The following COL4A4 variants were observed in gnomAD, a reference collection of about 807,000 sequenced individuals.
The protein encoded by COL4A4 is collagen type IV alpha 4 chain, also known as collagen alpha-4(IV) chain.
Under a neutral mutation model 192.9 loss-of-function variants are expected in COL4A4, and 105 were observed. The observed-to-expected ratio is 0.54, with a 90% CI of 0.46 to 0.64. COL4A4 has a LOEUF of 0.64. COL4A4 is among the 30% of genes least tolerant of loss of function. The probability of loss-of-function intolerance (pLI) is 0.00; values close to 1 mark genes in which losing one functional copy is unlikely to be tolerated. For missense variants in COL4A4, 1,967 were observed against 2,169.3 expected (o/e 0.91, Z 1.85); for synonymous variants, 762 against 769.9 (o/e 0.99, Z 0.17).
intron 37 of COL4A4, among the ~76,000 whole-genome samples, chr2:227,038,796 T>G (rs1970225239): frequency 6.6e-6 from 1 of 152,200 alleles, no homozygotes. Flanking sequence ...ACTGCAAATA[T>G]TTAGTTTCTC....
At chr2:227,050,396 A>AT (rs1224026863) in intron 33 of COL4A4, among the ~76,000 whole-genome samples, 1 of 152,234 alleles carries the variant, frequency 6.6e-6, no homozygotes, top group East Asian at 1.9e-4. Flanking sequence ...TGTGTTACTA[A>AT]TTTGAATTTT....
At chr2:227,083,469 C>CG in intron 22 of COL4A4, among the ~76,000 whole-genome samples, 1 of 151,994 alleles carries the variant, frequency 6.6e-6, no homozygotes, top group East Asian at 1.9e-4. Flanking sequence ...TTTTTTGAGA[C>CG]GGGGTCTCAC....
At position 227,035,519 on chromosome 2, in the gene COL4A4, T is replaced by A. The variant is rs568572189; in HGVS notation, c.3506-2038A>T. ...TTAGATTGGTTCAAATGAGCCATAT[T>A]CTCGTGCACCAAAAAAAAAAAAAAA... On this transcript the variant is annotated intron_variant, in intron 37 of 47. Coordinates refer to ENST00000396625, the MANE Select transcript of COL4A4 (RefSeq NM_000092.5). Among the ~76,000 whole-genome samples, 25 of 148,158 alleles carry A rather than the reference T, an allele frequency of 1.7e-4. 1 individual carries two copies. The South Asian group carries it at 5.2e-3, about 31-fold the overall frequency.
chr2:227,041,708 GAAGGAAGGGAGGAGGAAGGAAGGA>G (rs1444322847), intron 37 of COL4A4, among the ~76,000 whole-genome samples: 1 of 127,668 alleles, frequency 7.8e-6, no homozygotes, highest in African/African-American at 3.5e-5. Flanking sequence ...GAGAGAGAAG[GAAGGAAGGGAGGAGGAAGGAAGGA>G]AGGAAGGAAG....
chr2:227,094,396 A>G, intron 19 of COL4A4, 107 bp from the exon 20 acceptor site: 1 of 1,155,760 alleles, frequency 8.7e-7, no homozygotes, highest in East Asian at 2.6e-5. Flanking sequence ...AATTTTTTAA[A>G]GGGAAAGAGA....
At chr2:227,141,469 T>C (rs17353465) in intron 3 of COL4A4, among the ~76,000 whole-genome samples, 3,768 of 152,322 alleles carry the variant, frequency 0.025, 97 homozygotes, top group Middle Eastern at 0.065. Flanking sequence ...TACATATATA[T>C]GAACAGGTAT....
intron 22 of COL4A4, among the ~76,000 whole-genome samples, 174 bp from the exon 23 acceptor site, chr2:227,082,361 C>A (rs996272264): frequency 5.3e-5 from 8 of 152,174 alleles, no homozygotes; most frequent in African/African-American, 1.7e-4. Context: ...TCTTGCAAAG[C>A]TGGGGCTCTT....
At chr2:227,050,922 C>G in intron 33 of COL4A4, 55 bp downstream of exon 33, 1 of 1,607,306 alleles carries the variant, frequency 6.2e-7, no homozygotes, top group Non-Finnish European at 8.5e-7. Context: ...TTACGGACAT[C>G]CTAAGAACAG....
In COL4A4 at chr2:227,050,972, C is replaced by G. The variant is rs373385037; in HGVS notation, c.3150+5G>C. ...CTCTTCCCCCACAAAGCAGTAGCCC[C>G]TTACCTGGTCACCTGGAAGTCCTGG... On this transcript the variant is annotated splice_donor_5th_base_variant and intron_variant, in intron 33 of 47. Coordinates refer to ENST00000396625, the MANE Select transcript of COL4A4 (RefSeq NM_000092.5). The G allele has an allele frequency of 4.0e-5, 64 of 1,614,202 alleles. 1 individual carries two copies. In the South Asian group the frequency reaches 6.1e-4, roughly 16 times the overall value.
chr2:227,045,894 TTAGA>T lies in COL4A4; in HGVS notation c.3289+1577_3289+1580del, dbSNP rs755311865. Among the ~76,000 whole-genome samples the T allele has an allele frequency of 2.2e-4, 21 of 96,826 alleles. 3 individuals are homozygous for T. Among genetic ancestry groups the T allele is most frequent in the African/African-American group, 6.1e-4 (17 of 27,838 alleles). 63.5% of individuals were successfully genotyped at this position (96,826 alleles called of 152,430 possible). A position where few individuals can be genotyped will look rare whatever the true frequency, so the allele number is the denominator to read the frequency against. ...TATATACATATATATGTATATATAT[TTAGA>T]TAGTATATATATGTATGTATATGTA... On this transcript the variant is annotated intron_variant, in intron 35 of 47. Coordinates refer to ENST00000396625, the MANE Select transcript of COL4A4 (RefSeq NM_000092.5).
In COL4A4 at chr2:227,023,339, A is replaced by G. The variant is rs1345646392; in HGVS notation, c.4091-1166T>C. On this transcript the variant is annotated intron_variant, in intron 43 of 47. Coordinates refer to ENST00000396625, the MANE Select transcript of COL4A4 (RefSeq NM_000092.5). ...GTGCCTGTAGTTCCAGCTACTCAGG[A>G]GGCTGAGGCAGGAGAATCCCTGGAA... 3.3e-5 allele frequency among the ~76,000 whole-genome samples: 5 copies of G among 151,366 alleles called. 1 individual carries two copies. Among genetic ancestry groups the G allele is most frequent in the South Asian group, 4.2e-4 (2 of 4,748 alleles).
At position 227,056,022 on chromosome 2, in the gene COL4A4, G is replaced by T. The variant is rs754644077; in HGVS notation, c.2639C>A (p.Ala880Glu). The T allele has an allele frequency of 1.2e-6, 2 of 1,612,736 alleles. No individual in the cohort carries two copies. Among genetic ancestry groups the T allele is most frequent in the South Asian group, 1.1e-5 (1 of 91,048 alleles). ...TCCTGGGAGGCCTGGGGGACCATGTGCCCCAGGCCGTCCTGGGAGTCCGGG... is the reference window on the plus strand; with the variant it reads ...TCCTGGGAGGCCTGGGGGACCATGTTCCCCAGGCCGTCCTGGGAGTCCGGG... ...GLPGLPGRPG[A>E]HGPPGLPGIP... is the part of the protein sequence containing the mutation. The change falls in exon 30 of 48, where the codon GCA becomes GAA. Residue 880 changes from alanine (A) to glutamate (E), a missense_variant. Transcript: ENST00000396625.
At chr2:227,095,636 C>G (rs924987642) in intron 19 of COL4A4, among the ~76,000 whole-genome samples, 2 of 152,254 alleles carry the variant, frequency 1.3e-5, no homozygotes, top group Non-Finnish European at 2.9e-5. Context: ...GGCTCACACC[C>G]GTAATCCCAA....
intron 46 of COL4A4, among the ~76,000 whole-genome samples, chr2:227,009,385 C>T (rs1410552382): frequency 1.3e-5 from 2 of 152,168 alleles, no homozygotes; most frequent in Non-Finnish European, 2.9e-5. Context: ...TGAAATCAGT[C>T]CCGCAGCTTG....
chr2:227,022,026 A>G (rs1966104414), intron 44 of COL4A4, 22 bp downstream of exon 44: 1 of 1,606,294 alleles, frequency 6.2e-7, no homozygotes, highest in Non-Finnish European at 8.5e-7. Flanking sequence ...AAAATAATGA[A>G]CAATCAGCAT....
the COL4A4 span, among the ~76,000 whole-genome samples, chr2:226,983,870 A>G: frequency 6.6e-6 from 1 of 152,224 alleles, no homozygotes. Flanking sequence ...AAACAGGTCT[A>G]AATATTATCA....
At chr2:227,103,815 G>A (rs377138078) in intron 13 of COL4A4, among the ~76,000 whole-genome samples, 157 bp downstream of exon 13, 6 of 152,124 alleles carry the variant, frequency 3.9e-5, no homozygotes, top group African/African-American at 7.2e-5. Context: ...TTTCAATGCC[G>A]CACGATGGGG....
chr2:226,987,414 T>C, the COL4A4 span, among the ~76,000 whole-genome samples: 315 of 152,006 alleles, frequency 2.1e-3, 3 homozygotes, highest in Middle Eastern at 0.014. Flanking sequence ...CCAAGGAGCA[T>C]AGCATGGCTG....
At chr2:227,114,574 G>T (rs2061388843) in intron 8 of COL4A4, 54 bp downstream of exon 8, 4 of 1,355,016 alleles carry the variant, frequency 3.0e-6, no homozygotes, top group South Asian at 2.3e-5. Flanking sequence ...TCCTGCATGG[G>T]CTTACCTATT....
Sources: allele counts gnomAD v4.1 joint callset (sites outside exome capture counted in the v4.1 genomes callset), GRCh38; gene constraint gnomAD v4.1.1; transcripts MANE v1.5; gene names NCBI Gene and HGNC (gene_info 2026-07-23, HGNC 2026-07-21).